The following TTC36 variants were observed in gnomAD, a reference collection of about 807,000 sequenced individuals.
TTC36 encodes tetratricopeptide repeat protein 36.
Under a neutral mutation model 17.5 loss-of-function variants are expected in TTC36, and 15 were observed. The ratio of observed to expected loss-of-function variants is 0.86; its 90% CI spans 0.57 to 1.32. The LOEUF (loss-of-function observed/expected upper bound fraction) is 1.32, where lower values mean the gene tolerates loss of function less well. Ranked by LOEUF, TTC36 falls within the 40% of genes most tolerant of loss-of-function variation. The pLI is 0.00. For missense variants in TTC36, 292 were observed against 260.9 expected (o/e 1.12, Z -0.82); for synonymous variants, 112 against 109.8 (o/e 1.02, Z -0.13).
At position 118,527,596 on chromosome 11, in the gene TTC36, G is replaced by C; in HGVS notation, c.102G>C (p.Lys34Asn). The C allele has an allele frequency of 6.2e-7, 1 of 1,614,012 alleles. No individual in the cohort carries two copies. Among genetic ancestry groups the C allele is most frequent in the Non-Finnish European group, 8.5e-7 (1 of 1,179,830 alleles). Residue 34 changes from lysine (K) to asparagine (N), a missense_variant, in exon 1 of 3, where the codon AAG becomes AAC. By Grantham distance (94) the Lys-to-Asn change is moderately conservative (BLOSUM62 0). Coordinates refer to ENST00000302783, the MANE Select transcript of TTC36 (RefSeq NM_001080441.4). The stretch of plus-strand genomic sequence containing the variant: ...TGGACCTCGGAGAGGAAGCAGAAAA[G>C]GAAGAACGAGAAGAAGGTGGGCATT... ...VGLDLGEEAE[K>N]EEREEDEVFP...
At chr11:118,528,838 G>T (rs945719129) in intron 2 of TTC36, 47 bp downstream of exon 2, 2 of 1,528,040 alleles carry the variant, frequency 1.3e-6, no homozygotes, top group Non-Finnish European at 1.8e-6. Context: ...CCACGGGAGG[G>T]CACAGACCAG....
intron 2 of TTC36, among the ~76,000 whole-genome samples, chr11:118,529,944 T>A (rs1387721379): frequency 6.6e-6 from 1 of 152,254 alleles, no homozygotes; most frequent in Non-Finnish European, 1.5e-5. Flanking sequence ...GCTGGCTGCC[T>A]GAAGTTCTGA....
chr11:118,530,477 C>G lies in TTC36; in HGVS notation c.308-177C>G. The G allele has an allele frequency of 5.9e-6, 4 of 673,694 alleles. No individual in the cohort carries two copies. In the South Asian group the frequency reaches 1.3e-4, roughly 21 times the overall value. 41.7% of individuals were successfully genotyped at this position (673,694 alleles called of 1,614,324 possible). A position where few individuals can be genotyped will look rare whatever the true frequency, so the allele number is the denominator to read the frequency against. Reference sequence around the variant, plus strand: ...AGCTTAACTCTTCCACAGTCTTCATCTGTGTAATGGGAATAACGATCCGTA... The same window carrying G: ...AGCTTAACTCTTCCACAGTCTTCATGTGTGTAATGGGAATAACGATCCGTA... On this transcript the variant is annotated intron_variant, in intron 2 of 2. Transcript: ENST00000302783. This position sits in a 1 kb window ranked among gnomAD's most constrained non-coding sequence, Gnocchi z 5.8.
At position 118,530,594 on chromosome 11, in the gene TTC36, C is replaced by A; in HGVS notation, c.308-60C>A. 1 of 1,359,248 alleles carries A rather than the reference C, an allele frequency of 7.4e-7. No homozygotes were observed. The highest frequency in any genetic ancestry group is 1.8e-5 in the South Asian group (1 of 55,514). 84.2% of individuals were successfully genotyped at this position (1,359,248 alleles called of 1,614,324 possible). A position where few individuals can be genotyped will look rare whatever the true frequency, so the allele number is the denominator to read the frequency against. ...GCGCGGCCGCAGGTGGGCTGGGGCTCGGGCAAGGCCGCCCTGGCCTCCGCT... is the reference window on the plus strand; with the variant it reads ...GCGCGGCCGCAGGTGGGCTGGGGCTAGGGCAAGGCCGCCCTGGCCTCCGCT... On this transcript the variant is annotated intron_variant, in intron 2 of 2. Coordinates refer to ENST00000302783, the MANE Select transcript of TTC36 (RefSeq NM_001080441.4). This position sits in a 1 kb window ranked among gnomAD's most constrained non-coding sequence, Gnocchi z 5.8.
chr11:118,530,770 GC>G lies in TTC36; in HGVS notation c.427del (p.Arg143AlafsTer36). 2 of 1,508,116 alleles carry G rather than the reference GC, an allele frequency of 1.3e-6. No individual in the cohort carries two copies. The highest frequency in any genetic ancestry group is 1.8e-6 in the Non-Finnish European group (2 of 1,137,758). 93.4% of individuals were successfully genotyped at this position (1,508,116 alleles called of 1,614,324 possible). A position where few individuals can be genotyped will look rare whatever the true frequency, so the allele number is the denominator to read the frequency against. On this transcript the variant is annotated frameshift_variant, in exon 3 of 3. Coordinates refer to ENST00000302783, the MANE Select transcript of TTC36 (RefSeq NM_001080441.4). LOFTEE classifies it high-confidence loss of function. The surrounding 1 kb of genome is among the most constrained non-coding windows in gnomAD (Gnocchi z 5.8). ...LARLQGRDDDARRDFERAARL... is the reference protein window; with the variant it reads ...LARLQGRDDDXRRDFERAARL... ...GCGGCTGCAGGGCCGAGACGACGAC[GC>G]CCGCAGGGACTTCGAGAGGGCGGCA...
chr11:118,530,741 T>G lies in TTC36; in HGVS notation c.395T>G (p.Leu132Arg), dbSNP rs973944908. 1 of 1,500,450 alleles carries G rather than the reference T, an allele frequency of 6.7e-7. No homozygotes were observed. 92.9% of individuals were successfully genotyped at this position (1,500,450 alleles called of 1,614,324 possible). A position where few individuals can be genotyped will look rare whatever the true frequency, so the allele number is the denominator to read the frequency against. The part of the protein sequence containing the change: ...ARQSFVQRGL[L>R]ARLQGRDDDA... ...CAGAGCTTTGTGCAGCGCGGACTCC[T>G]GGCGCGGCTGCAGGGCCGAGACGAC... The change falls in exon 3 of 3, where the codon CTG (leucine) becomes CGG (arginine). Residue 132 changes from leucine (L) to arginine (R), a missense_variant. By Grantham distance (102) the Leu-to-Arg change is moderately radical. Coordinates refer to ENST00000302783, the MANE Select transcript of TTC36 (RefSeq NM_001080441.4). This position sits in a 1 kb window ranked among gnomAD's most constrained non-coding sequence, Gnocchi z 5.8.
rs1328280795 is a variant in TTC36, at chr11:118,530,810, C to T, written c.464C>T (p.Pro155Leu). 11 of 1,503,528 alleles carry T rather than the reference C, an allele frequency of 7.3e-6. No individual in the cohort carries two copies. Among genetic ancestry groups the T allele is most frequent in the Non-Finnish European group, 8.8e-6 (10 of 1,134,650 alleles). 93.1% of individuals were successfully genotyped at this position (1,503,528 alleles called of 1,614,324 possible). A position where few individuals can be genotyped will look rare whatever the true frequency, so the allele number is the denominator to read the frequency against. Residue 155 changes from proline (P) to leucine (L), a missense_variant, in exon 3 of 3, where the codon CCC becomes CTC. Transcript: ENST00000302783. This position sits in a 1 kb window ranked among gnomAD's most constrained non-coding sequence, Gnocchi z 5.8. Reference sequence around the variant, plus strand: ...GAGAGGGCGGCACGGCTGGGCAGCCCCTTCGCGCGGCGCCAGCTGGTGCTG... The same window carrying T: ...GAGAGGGCGGCACGGCTGGGCAGCCTCTTCGCGCGGCGCCAGCTGGTGCTG... Reference protein sequence around the residue: ...DFERAARLGSPFARRQLVLLN... With the variant: ...DFERAARLGSLFARRQLVLLN...
rs1565324417 is a variant in TTC36, at chr11:118,527,544, A to C, written c.50A>C (p.Asp17Ala). 1 of 1,614,130 alleles carries C rather than the reference A, an allele frequency of 6.2e-7. No individual in the cohort carries two copies. Residue 17 changes from aspartate (D) to alanine (A), a missense_variant, in exon 1 of 3, where the codon GAC (aspartate) becomes GCC (alanine). Asp to Ala is a moderately radical substitution (Grantham distance 126). Coordinates refer to ENST00000302783, the MANE Select transcript of TTC36 (RefSeq NM_001080441.4). Reference sequence around the variant, plus strand: ...GTGCTGCAGGCCATCTTCAACCCTGACACCCCATTTGGAGACATTGTTGGA... The same window carrying C: ...GTGCTGCAGGCCATCTTCAACCCTGCCACCCCATTTGGAGACATTGTTGGA... Reference protein sequence around the residue: ...QAVLQAIFNPDTPFGDIVGLD... With the variant: ...QAVLQAIFNPATPFGDIVGLD...
In TTC36 at chr11:118,527,585, G is replaced by A; in HGVS notation, c.91G>A (p.Glu31Lys). Reference protein sequence around the residue: ...GDIVGLDLGEEAEKEEREEDE... With the variant: ...GDIVGLDLGEKAEKEEREEDE... ...CATTGTTGGATTGGACCTCGGAGAG[G>A]AAGCAGAAAAGGAAGAACGAGAAGA... Residue 31 changes from glutamate to lysine, a missense_variant, in exon 1 of 3, where the codon GAA (glutamate) becomes AAA (lysine). Transcript: ENST00000302783. The A allele has an allele frequency of 6.2e-7, 1 of 1,614,154 alleles. No homozygotes were observed. Among genetic ancestry groups the A allele is most frequent in the South Asian group, 1.1e-5 (1 of 91,084 alleles).
At chr11:118,528,008 T>C (rs1010460216) in intron 1 of TTC36, 20 of 460,464 alleles carry the variant, frequency 4.3e-5, no homozygotes, top group African/African-American at 3.2e-4. Flanking sequence ...GCACAACCAG[T>C]AACCGTTAAA....
At position 118,529,010 on chromosome 11, in the gene TTC36, G is replaced by C. The variant is rs1348572858; in HGVS notation, c.307+219G>C. Among the ~76,000 whole-genome samples the C allele has an allele frequency of 2.0e-5, 3 of 152,318 alleles. No individual in the cohort carries two copies. In the East Asian group the frequency reaches 5.8e-4, roughly 29 times the overall value. ...CCATTGATTAAGGAACAGTTAATGA[G>C]AGCCTACTATGTGGCAGTAGGCTGG... is the stretch of plus-strand genomic sequence containing the variant. On this transcript the variant is annotated intron_variant, in intron 2 of 2. Coordinates refer to ENST00000302783, the MANE Select transcript of TTC36 (RefSeq NM_001080441.4).
At chr11:118,528,581 C>T in intron 1 of TTC36, 22 bp from the exon 2 acceptor site, 1 of 1,538,186 alleles carries the variant, frequency 6.5e-7, no homozygotes. Flanking sequence ...CCTGGCTTCT[C>T]CTGGCTCCTT....
chr11:118,527,948 T>G (rs1555056193), intron 1 of TTC36: 2 of 473,200 alleles, frequency 4.2e-6, no homozygotes. Context: ...AACAGAAGAC[T>G]GAAATAAGGC....
At chr11:118,528,022 T>C (rs1951117585) in intron 1 of TTC36, 1 of 458,524 alleles carries the variant, frequency 2.2e-6, no homozygotes, top group Middle Eastern at 3.2e-4. Flanking sequence ...CGTTAAACAC[T>C]GTCACAAGCC....
rs1254002801 is a variant in TTC36 at position 118,530,191 on chromosome 11, T to G, written c.308-463T>G. Among the ~76,000 whole-genome samples, 1 of 152,222 alleles carries G rather than the reference T, an allele frequency of 6.6e-6. No homozygotes were observed. Among genetic ancestry groups the G allele is most frequent in the African/African-American group, 2.4e-5 (1 of 41,460 alleles). ...TGAGAAACTGTCTTGATTGTACTTGTAAGAAATGATTGTGCGGTTAATATT... is the reference window on the plus strand; with the variant it reads ...TGAGAAACTGTCTTGATTGTACTTGGAAGAAATGATTGTGCGGTTAATATT... On this transcript the variant is annotated intron_variant, in intron 2 of 2. Transcript: ENST00000302783. The surrounding 1 kb of genome is among the most constrained non-coding windows in gnomAD (Gnocchi z 5.8).
chr11:118,527,801 A>G, intron 1 of TTC36, 189 bp downstream of exon 1: 1 of 669,234 alleles, frequency 1.5e-6, no homozygotes, highest in Non-Finnish European at 2.8e-6. Flanking sequence ...CAAGAGGAGT[A>G]AGCTGGGGTT....
chr11:118,527,699 G>T (rs782606602), intron 1 of TTC36, 87 bp downstream of exon 1: 3 of 918,556 alleles, frequency 3.3e-6, no homozygotes, highest in Non-Finnish European at 5.4e-6. Context: ...GTTTTATAAG[G>T]CCCCTTGTTC....
chr11:118,527,478 T>C lies in TTC36; in HGVS notation c.-17T>C. On this transcript the variant is annotated 5_prime_UTR_variant, in exon 1 of 3. Coordinates refer to ENST00000302783, the MANE Select transcript of TTC36 (RefSeq NM_001080441.4). ...TCTCATCTGGAGTCACCTTTTGGGA[T>C]TTTGGAGTTGAGCACCATGGGGACT... 6.3e-7 allele frequency: 1 copy of C among 1,591,316 alleles called. No homozygotes were observed. Among genetic ancestry groups the C allele is most frequent in the Non-Finnish European group, 8.6e-7 (1 of 1,159,398 alleles).
chr11:118,530,801 T>TTCGAGA lies in TTC36; in HGVS notation c.455_456insTCGAGA (p.Leu152_Gly153insArgGlu). The TTCGAGA allele has an allele frequency of 6.6e-7, 1 of 1,504,604 alleles. No homozygotes were observed. The highest frequency in any genetic ancestry group is 8.8e-7 in the Non-Finnish European group (1 of 1,135,304). 93.2% of individuals were successfully genotyped at this position (1,504,604 alleles called of 1,614,324 possible). A position where few individuals can be genotyped will look rare whatever the true frequency, so the allele number is the denominator to read the frequency against. ...AGGGACTTCGAGAGGGCGGCACGGC[T>TTCGAGA]GGGCAGCCCCTTCGCGCGGCGCCAG... On this transcript the variant is annotated inframe_insertion, in exon 3 of 3. Transcript: ENST00000302783. The surrounding 1 kb of genome is among the most constrained non-coding windows in gnomAD (Gnocchi z 5.8).
Sources: allele counts gnomAD v4.1 joint callset (sites outside exome capture counted in the v4.1 genomes callset), GRCh38; gene constraint gnomAD v4.1.1; non-coding constraint Gnocchi (gnomAD v3.1); transcripts MANE v1.5; gene names NCBI Gene and HGNC (gene_info 2026-07-23, HGNC 2026-07-21).